Variants in CAPN3 observed in about 807,000 individuals in gnomAD.
CAPN3 encodes the protein calpain 3.
A neutral mutation model predicts 114.0 loss-of-function variants in CAPN3; 88 were observed. The observed-to-expected ratio is 0.77, with a 90% CI of 0.65 to 0.92. CAPN3 has a LOEUF of 0.92. CAPN3 is among the 40% of genes least tolerant of loss of function. CAPN3 has a pLI of 0.00. For missense variants in CAPN3, 1,028 were observed against 1,069.0 expected (o/e 0.96, Z 0.53); for synonymous variants, 386 against 382.9 (o/e 1.01, Z -0.09).
At chr15:42,390,201 C>T in intron 6 of CAPN3, 105 bp downstream of exon 6, 1 of 1,265,324 alleles carries the variant, frequency 7.9e-7, no homozygotes, top group South Asian at 1.2e-5. Context: ...ACCCACACAC[C>T]CCCACCTGGC....
Position 42,411,691 on chromosome 15 carries a change from G to A in CAPN3, c.2440-56G>A, listed in dbSNP as rs1041880843. ...TTGCCCCGTAAGATTCCTAGGGCGG[G>A]GGGGGGGGGGGTCACTCTTTTCTGA... On this transcript the variant is annotated intron_variant, in intron 23 of 23. Transcript: ENST00000397163. 4.0e-4 allele frequency: 167 copies of A among 418,542 alleles called. 1 individual carries two copies. The highest frequency in any genetic ancestry group is 7.6e-4 in the East Asian group (12 of 15,842). The allele number at this position is 418,542 out of a possible 1,614,324, so 25.9% of individuals were successfully genotyped here.
intron 15 of CAPN3, among the ~76,000 whole-genome samples, chr15:42,407,904 AAAAG>A (rs1367534335): frequency 2.0e-4 from 30 of 152,164 alleles, no homozygotes; most frequent in Non-Finnish European, 2.2e-4. Context: ...CTGGAAAAAA[AAAAG>A]TCTACAAAAT....
intron 1 of CAPN3, among the ~76,000 whole-genome samples, chr15:42,362,543 A>G (rs991573776): frequency 6.6e-6 from 1 of 152,196 alleles, no homozygotes; most frequent in Admixed American, 6.5e-5. Context: ...ACCAGATAAC[A>G]AAGGCCACTC....
chr15:42,409,521 CA>C (rs1454667430), intron 17 of CAPN3, 141 bp downstream of exon 17: 49 of 939,910 alleles, frequency 5.2e-5, no homozygotes. Context: ...GCGTAGCACA[CA>C]AATCCACAAG....
intron 6 of CAPN3, among the ~76,000 whole-genome samples, chr15:42,391,564 G>A (rs1446902472): frequency 6.6e-6 from 1 of 152,156 alleles, no homozygotes; most frequent in Non-Finnish European, 1.5e-5. Flanking sequence ...ACAGCTCTAG[G>A]AATTCCGCGG....
chr15:42,392,903 C>T (rs2053599248), intron 7 of CAPN3, among the ~76,000 whole-genome samples, 181 bp downstream of exon 7: 1 of 152,210 alleles, frequency 6.6e-6, no homozygotes, highest in Non-Finnish European at 1.5e-5. Flanking sequence ...GAGGTGGATC[C>T]TGCCACAGTT....
At chr15:42,403,052 C>T in intron 13 of CAPN3, 50 bp downstream of exon 13, 1 of 1,508,638 alleles carries the variant, frequency 6.6e-7, no homozygotes, top group East Asian at 2.3e-5. Context: ...TCACATGGCC[C>T]ACTCCAGAGG....
intron 14 of CAPN3, 188 bp downstream of exon 14, chr15:42,403,965 C>A: frequency 1.5e-6 from 1 of 681,296 alleles, no homozygotes; most frequent in Non-Finnish European, 2.7e-6. Context: ...CCTTAAGCAC[C>A]GGGGGCCATT....
intron 15 of CAPN3, among the ~76,000 whole-genome samples, chr15:42,406,352 C>T (rs1346941762): frequency 3.3e-5 from 5 of 152,228 alleles, no homozygotes; most frequent in Non-Finnish European, 5.9e-5. Context: ...GGCCATCATA[C>T]ACCATCAGAT....
intron 1 of CAPN3, among the ~76,000 whole-genome samples, chr15:42,380,900 C>T (rs966858001): frequency 6.6e-6 from 1 of 151,044 alleles, no homozygotes; most frequent in African/African-American, 2.4e-5. Context: ...CTTATCTCCT[C>T]TCTTGGTGTA....
chr15:42,371,083 C>T (rs528002527), intron 1 of CAPN3, among the ~76,000 whole-genome samples: 3 of 152,080 alleles, frequency 2.0e-5, no homozygotes, highest in Non-Finnish European at 4.4e-5. Context: ...CTATACATAA[C>T]ATAATACAAT....
chr15:42,405,817 G>A, intron 14 of CAPN3, 109 bp from the exon 15 acceptor site: 1 of 822,668 alleles, frequency 1.2e-6, no homozygotes, highest in East Asian at 2.4e-5. Context: ...GGACCCTGGA[G>A]CCCCACCCCA....
chr15:42,376,060 G>A (rs759246039), intron 1 of CAPN3, among the ~76,000 whole-genome samples: 55 of 152,232 alleles, frequency 3.6e-4, no homozygotes, highest in Admixed American at 2.0e-3. Flanking sequence ...TCTCCTTATG[G>A]GCTTAAGGGT....
At chr15:42,411,071 T>A in intron 22 of CAPN3, 71 bp downstream of exon 22, 1 of 1,249,642 alleles carries the variant, frequency 8.0e-7, no homozygotes, top group Non-Finnish European at 1.2e-6. Flanking sequence ...TCTCACCTGA[T>A]AATCTCCAGT....
intron 1 of CAPN3, among the ~76,000 whole-genome samples, chr15:42,378,049 A>T (rs927427322): frequency 2.0e-5 from 3 of 152,206 alleles, no homozygotes; most frequent in Non-Finnish European, 4.4e-5. Flanking sequence ...GCGACGGATG[A>T]ATAACATACC....
In CAPN3 at chr15:42,401,771, A is replaced by G; in HGVS notation, c.1485A>G (p.Leu495=). 6.2e-7 allele frequency: 1 copy of G among 1,614,010 alleles called. No homozygotes were observed. The highest frequency in any genetic ancestry group is 8.5e-7 in the Non-Finnish European group (1 of 1,179,956). ...AGAACCGGCGGAAGGACCGGAAGCT[A>G]GGGGCCAGTCTCTTCACCATTGGCT... ...MQKNRRKDRK[L]GASLFTIGFA... The change falls in exon 11 of 24, where the codon CTA becomes CTG. Residue 495 remains leucine, a synonymous_variant. Transcript: ENST00000397163.
At chr15:42,390,124 G>T (rs2053516836) in intron 6 of CAPN3, 28 bp downstream of exon 6, 1 of 1,613,770 alleles carries the variant, frequency 6.2e-7, no homozygotes, top group South Asian at 1.1e-5. Flanking sequence ...TATCAGAACT[G>T]ACCATCCCTC....
chr15:42,398,931 C>T (rs1216531375), intron 9 of CAPN3, among the ~76,000 whole-genome samples: 6 of 151,564 alleles, frequency 4.0e-5, no homozygotes, highest in Non-Finnish European at 8.8e-5. Flanking sequence ...ATTACAAGTG[C>T]CCGCCATAAT....
chr15:42,401,997 G>C, intron 11 of CAPN3, 127 bp from the exon 12 acceptor site: 5 of 1,364,164 alleles, frequency 3.7e-6, no homozygotes, highest in Non-Finnish European at 4.2e-6. Flanking sequence ...GCAGTGGAGC[G>C]GGCCTGGCAG....
Sources: allele counts gnomAD v4.1 joint callset (sites outside exome capture counted in the v4.1 genomes callset), GRCh38; gene constraint gnomAD v4.1.1; transcripts MANE v1.5; gene names NCBI Gene and HGNC (gene_info 2026-07-23, HGNC 2026-07-21).